The following CCM2 variants were observed in gnomAD, a reference collection of about 807,000 sequenced individuals.
CCM2 encodes the protein CCM2 scaffold protein, also known as cerebral cavernous malformations 2 protein.
CCM2 carries 25 observed loss-of-function variants against 44.9 expected under a neutral mutation model. The ratio of observed to expected loss-of-function variants is 0.56; its 90% CI spans 0.41 to 0.78. The LOEUF (loss-of-function observed/expected upper bound fraction) is 0.78. CCM2 is among the 30% of genes least tolerant of loss of function. The pLI is 0.00. For missense variants in CCM2, 481 were observed against 580.6 expected (o/e 0.83, Z 1.76); for synonymous variants, 219 against 241.1 (o/e 0.91, Z 0.85).
chr7:45,018,886 A>G (rs532873138), intron 1 of CCM2, among the ~76,000 whole-genome samples: 50 of 151,606 alleles, frequency 3.3e-4, no homozygotes, highest in African/African-American at 1.1e-3. Context: ...CAGCCTCCCA[A>G]GTAGCTGGGA....
intron 1 of CCM2, among the ~76,000 whole-genome samples, chr7:45,033,011 T>C (rs1401736295): frequency 8.7e-6 from 1 of 114,714 alleles, no homozygotes; most frequent in East Asian, 3.0e-4. Context: ...TTGCACTCCA[T>C]CCAGCCTTGG....
chr7:45,064,701 T>G, intron 4 of CCM2, 55 bp downstream of exon 4: 1 of 1,590,696 alleles, frequency 6.3e-7, no homozygotes, highest in Non-Finnish European at 8.6e-7. Context: ...CATGTGTGAA[T>G]TTTATGAAGT....
intron 2 of CCM2, among the ~76,000 whole-genome samples, chr7:45,048,222 T>C (rs1797849333): frequency 6.6e-6 from 1 of 152,256 alleles, no homozygotes; most frequent in Non-Finnish European, 1.5e-5. Context: ...TGTTGTTGTT[T>C]TGTTTTACAA....
chr7:45,068,655 C>T (rs1798905978), intron 5 of CCM2, 76 bp downstream of exon 5: 2 of 1,578,272 alleles, frequency 1.3e-6, no homozygotes, highest in Non-Finnish European at 1.7e-6. Flanking sequence ...ACCCTGGCCA[C>T]ACCCAGCACA....
chr7:45,027,787 T>C lies in CCM2; in HGVS notation c.31-10466T>C, dbSNP rs372486302. On this transcript the variant is annotated intron_variant, in intron 1 of 9. Transcript: ENST00000258781. ...ACAGAATTTCACACAGGGTATTCCA[T>C]GGAGAATGAGGTAGGTGCAAGTCCA... is the stretch of plus-strand genomic sequence containing the variant. 160 of 1,614,142 alleles carry C rather than the reference T, an allele frequency of 9.9e-5. 2 individuals carry two copies. The South Asian group carries it at 1.7e-3, about 17-fold the overall frequency.
At chr7:45,011,599 TG>T (rs1796070233) in intron 1 of CCM2, among the ~76,000 whole-genome samples, 1 of 152,150 alleles carries the variant, frequency 6.6e-6, no homozygotes, top group South Asian at 2.1e-4. Context: ...TTGCCCAGGC[TG>T]GGGTGCAGTG....
intron 1 of CCM2, among the ~76,000 whole-genome samples, chr7:45,001,680 A>G (rs889323514): frequency 6.6e-6 from 1 of 151,998 alleles, no homozygotes; most frequent in African/African-American, 2.4e-5. Context: ...TGTGTGTGAT[A>G]GGCAAGGATG....
intron 2 of CCM2, among the ~76,000 whole-genome samples, chr7:45,046,853 T>C (rs1797778843): frequency 6.6e-6 from 1 of 152,192 alleles, no homozygotes; most frequent in Admixed American, 6.5e-5. Context: ...ATCTACAGTA[T>C]ATAAAGAACT....
intron 2 of CCM2, among the ~76,000 whole-genome samples, chr7:45,050,415 A>G (rs889796383): frequency 2.6e-5 from 4 of 152,210 alleles, no homozygotes; most frequent in Non-Finnish European, 4.4e-5. Context: ...TAATACTGCC[A>G]TATTGTATGA....
At chr7:45,049,783 T>C (rs574970170) in intron 2 of CCM2, among the ~76,000 whole-genome samples, 15 of 152,274 alleles carry the variant, frequency 9.9e-5, no homozygotes, top group Admixed American at 9.8e-4. Flanking sequence ...ACTCTGTGAG[T>C]GTGCAGGCGG....
intron 2 of CCM2, among the ~76,000 whole-genome samples, chr7:45,060,350 G>T (rs1798464218): frequency 6.6e-6 from 1 of 152,124 alleles, no homozygotes; most frequent in African/African-American, 2.4e-5. Context: ...CCAGATTTCT[G>T]CAAAGAGAGA....
At chr7:45,049,634 C>G (rs1203109807) in intron 2 of CCM2, among the ~76,000 whole-genome samples, 1 of 152,136 alleles carries the variant, frequency 6.6e-6, no homozygotes, top group Non-Finnish European at 1.5e-5. Context: ...TTATTTTCAA[C>G]TGTTATGTAT....
chr7:45,024,065 C>G (rs557494340), intron 1 of CCM2, among the ~76,000 whole-genome samples: 2 of 152,200 alleles, frequency 1.3e-5, no homozygotes, highest in African/African-American at 4.8e-5. Context: ...CCTGCCTTGG[C>G]CTCCCAAAGT....
intron 1 of CCM2, among the ~76,000 whole-genome samples, chr7:45,019,262 A>G (rs527273231): frequency 1.3e-5 from 2 of 151,614 alleles, no homozygotes; most frequent in South Asian, 4.2e-4. Context: ...TTAAATATAG[A>G]TGGAATCTCA....
intron 1 of CCM2, among the ~76,000 whole-genome samples, chr7:45,031,755 A>T (rs1186317608): frequency 2.0e-5 from 3 of 151,802 alleles, no homozygotes; most frequent in Non-Finnish European, 2.9e-5. Flanking sequence ...TATTTTTTTT[A>T]AAAGATGAGG....
At chr7:45,018,700 CTT>C (rs1449719412) in intron 1 of CCM2, among the ~76,000 whole-genome samples, 4 of 151,734 alleles carry the variant, frequency 2.6e-5, no homozygotes, top group African/African-American at 7.3e-5. Flanking sequence ...CATTTTTTCT[CTT>C]GAGAAGTTAC....
chr7:45,050,531 G>T (rs975749701), intron 2 of CCM2, among the ~76,000 whole-genome samples: 2 of 152,156 alleles, frequency 1.3e-5, no homozygotes, highest in African/African-American at 4.8e-5. Flanking sequence ...TCTGAGGAAC[G>T]CAGTGTTTAT....
intron 1 of CCM2, among the ~76,000 whole-genome samples, chr7:45,007,760 AAGTG>A (rs1257918007): frequency 6.6e-6 from 1 of 151,570 alleles, no homozygotes; most frequent in African/African-American, 2.4e-5. Context: ...ACTTTTCTGA[AAGTG>A]AGAAGACTGG....
intron 1 of CCM2, among the ~76,000 whole-genome samples, chr7:45,024,309 T>C (rs913656680): frequency 2.0e-5 from 3 of 152,240 alleles, no homozygotes; most frequent in South Asian, 4.1e-4. Context: ...CTGTAGGCAT[T>C]GTGGAGTTTC....
Sources: gnomAD v4.1 joint callset for allele counts (sites outside exome capture counted in the v4.1 genomes callset) on GRCh38, gnomAD v4.1.1 for gene constraint, MANE v1.5 for transcripts, NCBI Gene and HGNC (gene_info 2026-07-23, HGNC 2026-07-21) for gene names.